The following IQCF1 variants were observed in gnomAD, a reference collection of about 807,000 sequenced individuals.
IQCF1 encodes the protein IQ domain-containing protein F1.
A neutral mutation model predicts 12.5 loss-of-function variants in IQCF1; 9 were observed. The ratio of observed to expected loss-of-function variants is 0.72; its 90% confidence interval spans 0.43 to 1.26. The LOEUF is 1.26. Among genes scored for constraint, IQCF1 ranks in the 50% most tolerant of loss-of-function variants. IQCF1 has a pLI of 0.00. For synonymous variants in IQCF1, 67 were observed against 96.2 expected, an observed-to-expected ratio of 0.70 and a Z score of 1.78; for missense variants, 252 against 257.4, an observed-to-expected ratio of 0.98 and a Z score of 0.14.
chr3:51,895,471 T>C lies in IQCF1; in HGVS notation c.172-135A>G. The C allele has an allele frequency of 1.3e-6, 1 of 757,574 alleles. No individual in the cohort carries two copies. Among genetic ancestry groups the C allele is most frequent in the Non-Finnish European group, 2.1e-6 (1 of 478,402 alleles). The allele number at this position is 757,574 out of a possible 1,614,324, so 46.9% of individuals were successfully genotyped here. ...AATTCAGGAGCACTGGGCAGGGCACTGGCTGGAACCAGAAGATCAGGTAGA... is the reference window on the plus strand; with the variant it reads ...AATTCAGGAGCACTGGGCAGGGCACCGGCTGGAACCAGAAGATCAGGTAGA... On this transcript the variant is annotated intron_variant, in intron 3 of 3. Coordinates refer to ENST00000310914, the MANE Select transcript of IQCF1 (RefSeq NM_152397.3). This position sits in a 1 kb window ranked among gnomAD's most constrained non-coding sequence, Gnocchi z 4.8.
intron 2 of IQCF1, among the ~76,000 whole-genome samples, chr3:51,899,191 A>C (rs572346831): frequency 6.6e-6 from 1 of 152,116 alleles, no homozygotes; most frequent in Non-Finnish European, 1.5e-5. Flanking sequence ...ATCATCTTCG[A>C]GGAAAAAAAA....
At chr3:51,901,819 G>A (rs968141007) in intron 2 of IQCF1, among the ~76,000 whole-genome samples, 4 of 152,186 alleles carry the variant, frequency 2.6e-5, no homozygotes, top group Non-Finnish European at 5.9e-5. Context: ...AACCAACAGC[G>A]ATTTATTAAC....
intron 2 of IQCF1, among the ~76,000 whole-genome samples, chr3:51,897,342 C>T (rs917359094): frequency 1.3e-5 from 2 of 152,210 alleles, no homozygotes; most frequent in Admixed American, 1.3e-4. Context: ...TCTGAAAGGG[C>T]GCACCCTTCT....
At chr3:51,897,972 T>C (rs935106144) in intron 2 of IQCF1, among the ~76,000 whole-genome samples, 1 of 152,166 alleles carries the variant, frequency 6.6e-6, no homozygotes, top group African/African-American at 2.4e-5. Flanking sequence ...CTTTGAGGGG[T>C]CGAGCCTTCT....
At chr3:51,902,507 C>T (rs115470580) in intron 2 of IQCF1, among the ~76,000 whole-genome samples, 20,415 of 152,222 alleles carry the variant, frequency 0.13, 1,840 homozygotes, top group Non-Finnish European at 0.18. Flanking sequence ...CTGACTCATT[C>T]TGATTACCTA....
rs757390190 is a variant in IQCF1, at chr3:51,903,059, G to C, written c.34C>G (p.Pro12Ala). The C allele has an allele frequency of 6.2e-7, 1 of 1,614,002 alleles. No homozygotes were observed. The highest frequency in any genetic ancestry group is 1.3e-5 in the African/African-American group (1 of 74,906). ...EEKQPQKTKE[P>A]SKEDEPQQKE... ...TGCTGAGGCTCATCTTCTTTTGAGGGTTCCTTCGTCTTTTGGGGCTGCTTC... is the reference window on the plus strand; with the variant it reads ...TGCTGAGGCTCATCTTCTTTTGAGGCTTCCTTCGTCTTTTGGGGCTGCTTC... The change falls in exon 2 of 4, where the codon CCC becomes GCC. Residue 12 changes from proline (P) to alanine (A), a missense_variant. Pro to Ala is a conservative substitution (Grantham distance 27). Transcript: ENST00000310914.
intron 2 of IQCF1, among the ~76,000 whole-genome samples, chr3:51,899,005 A>G (rs1311753927): frequency 6.6e-6 from 1 of 152,258 alleles, no homozygotes; most frequent in Admixed American, 6.5e-5. Flanking sequence ...TATGGACTGA[A>G]CAGATCTTAT....
chr3:51,894,978 G>A lies in IQCF1; in HGVS notation c.530C>T (p.Ala177Val). The A allele has an allele frequency of 6.2e-7, 1 of 1,614,232 alleles. No homozygotes were observed. Among genetic ancestry groups the A allele is most frequent in the South Asian group, 1.1e-5 (1 of 91,078 alleles). The change falls in exon 4 of 4, where the codon GCC (alanine) becomes GTC (valine). Residue 177 changes from alanine (A) to valine (V), a missense_variant. Coordinates refer to ENST00000310914, the MANE Select transcript of IQCF1 (RefSeq NM_152397.3). ...GFIKGQYRVT[A>V]NQLHLQLEIL... ...CTCCAGCTGGAGATGCAGCTGGTTG[G>A]CTGTGACTCTGTACTGGCCCTTGAT...
At chr3:51,901,061 T>C (rs1439413115) in intron 2 of IQCF1, among the ~76,000 whole-genome samples, 1 of 152,218 alleles carries the variant, frequency 6.6e-6, no homozygotes, top group Non-Finnish European at 1.5e-5. Flanking sequence ...AAACAAACTT[T>C]GGCAATTAAG....
chr3:51,896,707 A>G (rs1699007625), intron 3 of IQCF1, 125 bp downstream of exon 3: 4 of 733,954 alleles, frequency 5.4e-6, no homozygotes, highest in East Asian at 2.5e-5. Context: ...ACACACACAC[A>G]CACACGCACA....
intron 1 of IQCF1, 53 bp from the exon 2 acceptor site, chr3:51,903,142 C>T (rs550340031): frequency 1.9e-6 from 3 of 1,586,176 alleles, no homozygotes; most frequent in South Asian, 1.1e-5. Flanking sequence ...CCCTCCCTCT[C>T]CATTCAATAT....
intron 2 of IQCF1, among the ~76,000 whole-genome samples, chr3:51,901,993 CT>C (rs1298628962): frequency 6.6e-6 from 1 of 152,168 alleles, no homozygotes; most frequent in Non-Finnish European, 1.5e-5. Flanking sequence ...AACACTGCCC[CT>C]GATGGAAGTA....
Position 51,903,045 on chromosome 3 carries a change from A to G in IQCF1, c.48T>C (p.Asp16=), listed in dbSNP as rs765065191. Residue 16 remains aspartate (D), a synonymous_variant, in exon 2 of 4, where the codon GAT becomes GAC. Transcript: ENST00000310914. ...TTGGCATCTCCTTCTGCTGAGGCTCATCTTCTTTTGAGGGTTCCTTCGTCT... is the reference window on the plus strand; with the variant it reads ...TTGGCATCTCCTTCTGCTGAGGCTCGTCTTCTTTTGAGGGTTCCTTCGTCT... ...PQKTKEPSKE[D]EPQQKEMPTH... The G allele has an allele frequency of 5.0e-6, 8 of 1,613,966 alleles. No individual in the cohort carries two copies. Among genetic ancestry groups the G allele is most frequent in the Non-Finnish European group, 6.8e-6 (8 of 1,180,026 alleles).
intron 2 of IQCF1, 102 bp from the exon 3 acceptor site, chr3:51,896,996 ATCAGTATG>A (rs1484054485): frequency 6.6e-6 from 6 of 912,894 alleles, no homozygotes; most frequent in African/African-American, 6.5e-5. Context: ...TCTTCAAAGA[ATCAGTATG>A]TCAGTATGTT....
In IQCF1 at chr3:51,896,898, A is replaced by T; in HGVS notation, c.109-4T>A. On this transcript the variant is annotated splice_polypyrimidine_tract_variant and splice_region_variant and intron_variant, in intron 2 of 3. Transcript: ENST00000310914. ...CAACCAGAACTGGAGTTTTAGCCTG[A>T]AAAGGAAATGGGGAAAGAGAACAGA... The T allele has an allele frequency of 1.5e-5, 24 of 1,609,742 alleles. No individual in the cohort carries two copies. The highest frequency in any genetic ancestry group is 2.0e-5 in the Non-Finnish European group (24 of 1,176,024).
chr3:51,901,610 A>T (rs1482518202), intron 2 of IQCF1, among the ~76,000 whole-genome samples: 1 of 152,226 alleles, frequency 6.6e-6, no homozygotes, highest in East Asian at 1.9e-4. Context: ...AACCAGAGGA[A>T]GGAAAAATAA....
intron 3 of IQCF1, among the ~76,000 whole-genome samples, chr3:51,896,328 CA>C (rs1699001863): frequency 6.6e-6 from 1 of 152,136 alleles, no homozygotes; most frequent in South Asian, 2.1e-4. Flanking sequence ...CCCCAGCCAC[CA>C]CTACGAGTTT....
At position 51,895,380 on chromosome 3, in the gene IQCF1, G is replaced by A. The variant is rs892731737; in HGVS notation, c.172-44C>T. 1 of 1,541,408 alleles carries A rather than the reference G, an allele frequency of 6.5e-7. No homozygotes were observed. Among genetic ancestry groups the A allele is most frequent in the African/African-American group, 1.4e-5 (1 of 73,164 alleles). On this transcript the variant is annotated intron_variant, in intron 3 of 3. Coordinates refer to ENST00000310914, the MANE Select transcript of IQCF1 (RefSeq NM_152397.3). The surrounding 1 kb of genome is among the most constrained non-coding windows in gnomAD (Gnocchi z 4.8). ...GGACCTTCAGAGAATGCTCCCCACT[G>A]GCTTCAGCTCTGGGGTGTGCCAGGA...
chr3:51,898,144 G>T (rs140469964), intron 2 of IQCF1, among the ~76,000 whole-genome samples: 282 of 152,272 alleles, frequency 1.9e-3, no homozygotes, highest in African/African-American at 5.9e-3. Context: ...AGTATAAGCG[G>T]CTGGCAGAGG....
Sources: gnomAD v4.1 joint callset for allele counts (sites outside exome capture counted in the v4.1 genomes callset) on GRCh38, gnomAD v4.1.1 for gene constraint, Gnocchi (gnomAD v3.1) non-coding constraint, MANE v1.5 for transcripts, NCBI Gene and HGNC (gene_info 2026-07-23, HGNC 2026-07-21) for gene names.